Variants in C9orf153 observed in about 807,000 individuals in gnomAD.
C9orf153 encodes chromosome 9 open reading frame 153.
In C9orf153, 10 loss-of-function variants were observed where a neutral mutation model predicts 9.0. That is an observed-to-expected ratio of 1.11 (90% CI 0.69 to 1.89). The LOEUF is 1.89. C9orf153 is among the 40% of genes most tolerant of loss of function. C9orf153 has a pLI of 0.00. For synonymous variants in C9orf153, 35 were observed against 37.3 expected, an observed-to-expected ratio of 0.94 and a Z score of 0.23; for missense variants, 108 against 111.0, an observed-to-expected ratio of 0.97 and a Z score of 0.12.
intron 1 of C9orf153, among the ~76,000 whole-genome samples, chr9:86,236,548 CA>C (rs976982879): frequency 3.6e-3 from 236 of 65,332 alleles, no homozygotes; most frequent in African/African-American, 8.6e-3. Context: ...GACTCCATCT[CA>C]AAAAAAAAAA....
chr9:86,232,893 C>T (rs191817299), intron 1 of C9orf153, among the ~76,000 whole-genome samples: 5 of 151,924 alleles, frequency 3.3e-5, no homozygotes, highest in African/African-American at 1.2e-4. Context: ...CCACCACACC[C>T]GGCTAATTTT....
intron 1 of C9orf153, among the ~76,000 whole-genome samples, chr9:86,256,897 C>A (rs771583136): frequency 3.9e-5 from 6 of 152,246 alleles, no homozygotes; most frequent in Non-Finnish European, 7.3e-5. Flanking sequence ...CTGTGGCATG[C>A]ACCTGTAATC....
At chr9:86,255,708 G>A (rs1171690162) in intron 1 of C9orf153, among the ~76,000 whole-genome samples, 1 of 152,190 alleles carries the variant, frequency 6.6e-6, no homozygotes, top group Non-Finnish European at 1.5e-5. Context: ...CCCACTGGGC[G>A]TTTGGAGCAA....
intron 1 of C9orf153, among the ~76,000 whole-genome samples, chr9:86,247,298 C>T (rs1824889866): frequency 6.6e-6 from 1 of 152,114 alleles, no homozygotes; most frequent in South Asian, 2.1e-4. Context: ...CACCAGGCTG[C>T]CAGGCTGTCT....
chr9:86,244,911 A>T (rs1824833023), intron 1 of C9orf153, among the ~76,000 whole-genome samples: 1 of 152,188 alleles, frequency 6.6e-6, no homozygotes, highest in Non-Finnish European at 1.5e-5. Flanking sequence ...CATCCTATAG[A>T]TATCTCCTGC....
intron 3 of C9orf153, among the ~76,000 whole-genome samples, chr9:86,226,755 G>A: frequency 1.4e-5 from 2 of 144,576 alleles, no homozygotes; most frequent in South Asian, 2.1e-4. Context: ...ATGGTTTTTT[G>A]TTTGTTTGTT....
intron 1 of C9orf153, among the ~76,000 whole-genome samples, chr9:86,256,155 C>T (rs1208687622): frequency 6.6e-6 from 1 of 152,186 alleles, no homozygotes; most frequent in Non-Finnish European, 1.5e-5. Context: ...CTTACTTTCA[C>T]TCTTCAGCTG....
At chr9:86,245,349 G>A (rs138460025) in intron 1 of C9orf153, among the ~76,000 whole-genome samples, 503 of 152,216 alleles carry the variant, frequency 3.3e-3, no homozygotes, top group Non-Finnish European at 4.5e-3. Flanking sequence ...ATTGTGTAAC[G>A]CATCTCCAGA....
chr9:86,222,713 A>G (rs1000497128), intron 3 of C9orf153, among the ~76,000 whole-genome samples: 2 of 152,120 alleles, frequency 1.3e-5, no homozygotes, highest in Non-Finnish European at 2.9e-5. Context: ...ACAACAAATC[A>G]AGGCTAAAGG....
chr9:86,229,414 G>T, intron 2 of C9orf153, 124 bp downstream of exon 2: 1 of 635,210 alleles, frequency 1.6e-6, no homozygotes, highest in Non-Finnish European at 2.7e-6. Flanking sequence ...AGTCATTAAA[G>T]TGACATTTTG....
At chr9:86,252,421 C>A (rs943885049) in intron 1 of C9orf153, among the ~76,000 whole-genome samples, 1 of 152,206 alleles carries the variant, frequency 6.6e-6, no homozygotes, top group Non-Finnish European at 1.5e-5. Context: ...TTTAAATTAT[C>A]ACTTTGGCTA....
chr9:86,227,847 C>T lies in C9orf153; in HGVS notation c.242+8G>A, dbSNP rs1432553799. ...GATGCTTGCTTCTCTTTTTTAACCA[C>T]TGTGCACCTGATAACAGGTTGGAGA... On this transcript the variant is annotated splice_region_variant and intron_variant, in intron 3 of 3. Coordinates refer to ENST00000339137, the MANE Select transcript of C9orf153 (RefSeq NM_001276366.4). 2 of 1,605,632 alleles carry T rather than the reference C, an allele frequency of 1.2e-6. No individual in the cohort carries two copies. Among genetic ancestry groups the T allele is most frequent in the South Asian group, 2.2e-5 (2 of 89,226 alleles).
chr9:86,243,096 G>C (rs1235373272), intron 1 of C9orf153, among the ~76,000 whole-genome samples: 1 of 151,978 alleles, frequency 6.6e-6, no homozygotes, highest in East Asian at 1.9e-4. Flanking sequence ...GAAAGCATGT[G>C]TTCCTTTGGT....
intron 3 of C9orf153, among the ~76,000 whole-genome samples, chr9:86,222,076 C>T (rs1249466322): frequency 6.6e-6 from 1 of 151,886 alleles, no homozygotes; most frequent in African/African-American, 2.4e-5. Flanking sequence ...TTAGTAGAGA[C>T]GGGGTTTCAC....
At chr9:86,228,935 G>T in intron 2 of C9orf153, 2 of 270,188 alleles carry the variant, frequency 7.4e-6, no homozygotes, top group Non-Finnish European at 7.5e-6. Flanking sequence ...CTGCTACAAG[G>T]TGGTGCAGGA....
intron 3 of C9orf153, among the ~76,000 whole-genome samples, chr9:86,223,872 T>A (rs2131170537): frequency 6.6e-6 from 1 of 152,240 alleles, no homozygotes; most frequent in Non-Finnish European, 1.5e-5. Context: ...TTTGAAAGCA[T>A]CGCTCCACAG....
intron 1 of C9orf153, among the ~76,000 whole-genome samples, chr9:86,252,325 C>A (rs979209223): frequency 6.6e-6 from 1 of 152,300 alleles, no homozygotes; most frequent in Admixed American, 6.5e-5. Context: ...TGAGCCCCCA[C>A]ACCTGGCCCT....
At chr9:86,226,286 A>C (rs1369885458) in intron 3 of C9orf153, among the ~76,000 whole-genome samples, 1 of 151,928 alleles carries the variant, frequency 6.6e-6, no homozygotes. Context: ...TAATCAATCT[A>C]TTCCTTTAAA....
chr9:86,243,099 C>G (rs951600701), intron 1 of C9orf153, among the ~76,000 whole-genome samples: 6 of 151,822 alleles, frequency 4.0e-5, no homozygotes, highest in African/African-American at 1.5e-4. Flanking sequence ...AGCATGTGTT[C>G]CTTTGGTGAT....
Sources: gnomAD v4.1 joint callset for allele counts (sites outside exome capture counted in the v4.1 genomes callset) on GRCh38, gnomAD v4.1.1 for gene constraint, MANE v1.5 for transcripts, NCBI Gene and HGNC (gene_info 2026-07-23, HGNC 2026-07-21) for gene names.